Variants in MUC12 observed in about 807,000 individuals in gnomAD.
MUC12 encodes mucin-12.
In MUC12, 172 loss-of-function variants were observed where a neutral mutation model predicts 230.8. The ratio of observed to expected loss-of-function variants is 0.75; its 90% CI spans 0.66 to 0.85. MUC12 has a LOEUF of 0.85. MUC12 is among the 40% of genes least tolerant of loss of function. The pLI is 0.00. For synonymous variants in MUC12, 1,259 were observed against 2,401.9 expected, an observed-to-expected ratio of 0.52 and a Z score of 13.91; for missense variants, 3,506 against 5,920.6, an observed-to-expected ratio of 0.59 and a Z score of 13.38.
At chr7:101,017,276 AC>A (rs770525546) in intron 10 of MUC12, 41 of 323,702 alleles carry the variant, frequency 1.3e-4, no homozygotes, top group Non-Finnish European at 2.0e-4. Flanking sequence ...CTCCACTCTG[AC>A]CTCACCCCTG....
chr7:100,983,893 A>G (rs941564467), intron 1 of MUC12, among the ~76,000 whole-genome samples: 11 of 152,190 alleles, frequency 7.2e-5, no homozygotes, highest in African/African-American at 2.7e-4. Context: ...CCCATTTTTA[A>G]AAGAAGAAGG....
chr7:100,986,828 G>C (rs1470634787), intron 1 of MUC12, among the ~76,000 whole-genome samples: 2 of 152,138 alleles, frequency 1.3e-5, no homozygotes. Context: ...GTCCTCTCAA[G>C]GAAGTCCCTT....
intron 5 of MUC12, among the ~76,000 whole-genome samples, chr7:101,010,092 G>A (rs1224738706): frequency 6.6e-6 from 1 of 152,154 alleles, no homozygotes; most frequent in Non-Finnish European, 1.5e-5. Flanking sequence ...AGGTCTTTGG[G>A]AGGCAGGACC....
At chr7:100,981,376 A>G in intron 1 of MUC12, 1 of 646,630 alleles carries the variant, frequency 1.5e-6, no homozygotes, top group East Asian at 3.2e-5. Flanking sequence ...GCAGCGAGTG[A>G]AGAACCTGGG....
intron 1 of MUC12, among the ~76,000 whole-genome samples, chr7:100,988,280 G>A (rs569877720): frequency 1.9e-4 from 27 of 143,300 alleles, no homozygotes; most frequent in Non-Finnish European, 3.8e-4. Flanking sequence ...TGGGTGACAG[G>A]CTGTCCCAGA....
chr7:101,018,644 G>A lies in MUC12; in HGVS notation c.*8G>A, dbSNP rs1793999171. 6.5e-7 allele frequency: 1 copy of A among 1,535,262 alleles called. No homozygotes were observed. Among genetic ancestry groups the A allele is most frequent in the Non-Finnish European group, 8.7e-7 (1 of 1,145,918 alleles). ...GTAGCATCCACTGTGTGAGCCAACG[G>A]GGGCCTCCCACCCTCATCTAGCTCT... On this transcript the variant is annotated 3_prime_UTR_variant, in exon 12 of 12. Coordinates refer to ENST00000536621, the MANE Select transcript of MUC12 (RefSeq NM_001164462.2).
chr7:100,981,027 A>G (rs1176094215), intron 1 of MUC12, among the ~76,000 whole-genome samples: 3 of 152,198 alleles, frequency 2.0e-5, no homozygotes, highest in Admixed American at 1.3e-4. Flanking sequence ...GCCCCAACCA[A>G]CACTAGCTAC....
At position 101,004,616 on chromosome 7, in the gene MUC12, G is replaced by A. The variant is rs1042005995; in HGVS notation, c.14053G>A (p.Ala4685Thr). ...TTSGRSEEST[A>T]SHSSPDTNGI... The stretch of plus-strand genomic sequence containing the variant: ...CTCCGGCCGTAGTGAGGAATCAACA[G>A]CATCCCACAGCAGCCCAGATACAAA... Residue 4685 changes from alanine (A) to threonine (T), a missense_variant, in exon 2 of 12, where the codon GCA becomes ACA. Transcript: ENST00000536621. 16 of 1,535,624 alleles carry A rather than the reference G, an allele frequency of 1.0e-5. No individual in the cohort carries two copies. The African/African-American group carries it at 1.7e-4, about 16-fold the overall frequency.
intron 1 of MUC12, among the ~76,000 whole-genome samples, chr7:100,986,088 T>G (rs113267364): frequency 0.1 from 15,920 of 152,134 alleles, 1,086 homozygotes; most frequent in Non-Finnish European, 0.15. Context: ...GTGGCCGGTG[T>G]GTGCCTCAAG....
In MUC12 at chr7:100,991,566, A is replaced by G; in HGVS notation, c.1003A>G (p.Ser335Gly). Reference sequence around the variant, plus strand: ...TAGTGAGGAATCGACACCAGTCCACAGCAGCCCAGTTGCAACTGCAACAAC... The same window carrying G: ...TAGTGAGGAATCGACACCAGTCCACGGCAGCCCAGTTGCAACTGCAACAAC... ...GHSEESTPVH[S>G]SPVATATTPP... The change falls in exon 2 of 12, where the codon AGC becomes GGC. Residue 335 changes from serine (S) to glycine (G), a missense_variant. By Grantham distance (56) the Ser-to-Gly change is moderately conservative (BLOSUM62 0). Transcript: ENST00000536621. 1 of 1,537,396 alleles carries G rather than the reference A, an allele frequency of 6.5e-7. No homozygotes were observed. The highest frequency in any genetic ancestry group is 8.7e-7 in the Non-Finnish European group (1 of 1,146,664).
Position 100,969,614 on chromosome 7 carries a change from C to T in MUC12, c.-9C>T, listed in dbSNP as rs1208084168. The T allele has an allele frequency of 2.6e-6, 4 of 1,537,434 alleles. No homozygotes were observed. The African/African-American group carries it at 4.1e-5, about 16-fold the overall frequency. ...GAAGATGGGCAGCCAGGGGCCCGTT[C>T]CCCGGGAGATGCTGGTGATCTGGAT... On this transcript the variant is annotated 5_prime_UTR_variant, in exon 1 of 12. Transcript: ENST00000536621.
Position 100,991,131 on chromosome 7 carries a change from A to C in MUC12, c.568A>C (p.Ser190Arg). 11 of 1,537,850 alleles carry C rather than the reference A, an allele frequency of 7.2e-6. No individual in the cohort carries two copies. The highest frequency in any genetic ancestry group is 9.6e-6 in the Non-Finnish European group (11 of 1,147,044). ...FPDSTTMPGV[S>R]QESTASHSIP... Reference sequence around the variant, plus strand: ...TGACAGTACCACCATGCCAGGCGTCAGTCAGGAATCTACAGCTTCCCACAG... The same window carrying C: ...TGACAGTACCACCATGCCAGGCGTCCGTCAGGAATCTACAGCTTCCCACAG... Residue 190 changes from serine to arginine, a missense_variant, in exon 2 of 12, where the codon AGT becomes CGT. Coordinates refer to ENST00000536621, the MANE Select transcript of MUC12 (RefSeq NM_001164462.2).
intron 5 of MUC12, among the ~76,000 whole-genome samples, chr7:101,011,096 G>A (rs1200275386): frequency 2.6e-5 from 4 of 152,170 alleles, no homozygotes; most frequent in Non-Finnish European, 5.9e-5. Flanking sequence ...AAGCTGGAAA[G>A]CACCAACATT....
intron 6 of MUC12, 118 bp from the exon 7 acceptor site, chr7:101,012,701 A>C: frequency 8.5e-7 from 1 of 1,181,684 alleles, no homozygotes; most frequent in Non-Finnish European, 1.2e-6. Flanking sequence ...GTGGGCAAAG[A>C]CTCCCACGGG....
In MUC12 at chr7:100,995,839, G is replaced by C; in HGVS notation, c.5276G>C (p.Arg1759Pro). 6.9e-7 allele frequency: 1 copy of C among 1,457,604 alleles called. No individual in the cohort carries two copies. The highest frequency in any genetic ancestry group is 2.5e-5 in the East Asian group (1 of 39,858). 90.3% of individuals were successfully genotyped at this position (1,457,604 alleles called of 1,614,324 possible). A position where few individuals can be genotyped will look rare whatever the true frequency, so the allele number is the denominator to read the frequency against. ...ACTGCAACAACACCCTCGCCTGCCC[G>C]CTCCACAACCTCAGGCCTCGTTGAA... is the stretch of plus-strand genomic sequence containing the variant. ...VATATTPSPA[R>P]STTSGLVEES... is the part of the protein sequence containing the mutation. Residue 1759 changes from arginine (R) to proline (P), a missense_variant, in exon 2 of 12, where the codon CGC becomes CCC. Arg to Pro is a moderately radical substitution (Grantham distance 103). Transcript: ENST00000536621.
At position 100,995,923 on chromosome 7, in the gene MUC12, G is replaced by T. The variant is rs1277109797; in HGVS notation, c.5360G>T (p.Ser1787Ile). The T allele has an allele frequency of 2.4e-6, 3 of 1,259,832 alleles. No individual in the cohort carries two copies. Among genetic ancestry groups the T allele is most frequent in the South Asian group, 1.4e-5 (1 of 72,686 alleles). The allele number at this position is 1,259,832 out of a possible 1,614,324, so 78.0% of individuals were successfully genotyped here. ...GSTQTMHFPE[S>I]STASGRSEES... ...ACTCAAACAATGCACTTCCCTGAAA[G>T]CTCCACAGCTTCAGGTCGTAGTGAA... The change falls in exon 2 of 12, where the codon AGC becomes ATC. Residue 1787 changes from serine to isoleucine, a missense_variant. Ser to Ile is a moderately radical substitution (Grantham distance 142). Coordinates refer to ENST00000536621, the MANE Select transcript of MUC12 (RefSeq NM_001164462.2).
rs556543189 is a variant in MUC12 at position 100,991,164 on chromosome 7, G to A, written c.601G>A (p.Gly201Ser). 1.8e-5 allele frequency: 27 copies of A among 1,537,484 alleles called. No individual in the cohort carries two copies. Among genetic ancestry groups the A allele is most frequent in the African/African-American group, 5.5e-5 (4 of 73,064 alleles). ...QESTASHSIP[G>S]STDTTLSPGT... ...ATCTACAGCTTCCCACAGCATCCCC[G>A]GCTCCACAGACACAACACTGTCCCC... Residue 201 changes from glycine to serine, a missense_variant, in exon 2 of 12, where the codon GGC (glycine) becomes AGC (serine). Transcript: ENST00000536621.
At chr7:100,977,389 C>T (rs921253489) in intron 1 of MUC12, among the ~76,000 whole-genome samples, 10 of 146,740 alleles carry the variant, frequency 6.8e-5, no homozygotes, top group African/African-American at 1.0e-4. Flanking sequence ...TTTTTTGAGA[C>T]GGAGTGTCTT....
chr7:101,004,804 A>G lies in MUC12; in HGVS notation c.14241A>G (p.Ser4747=). 6.5e-7 allele frequency: 1 copy of G among 1,537,664 alleles called. No individual in the cohort carries two copies. Among genetic ancestry groups the G allele is most frequent in the South Asian group, 1.2e-5 (1 of 84,054 alleles). ...CCATCCTTTACAGTAGCTCCAGATCACCAGACCAAACACTCTCACCTGCCA... is the reference window on the plus strand; with the variant it reads ...CCATCCTTTACAGTAGCTCCAGATCGCCAGACCAAACACTCTCACCTGCCA... The part of the protein sequence containing the change: ...KSTILYSSSR[S]PDQTLSPASM... The change falls in exon 2 of 12, where the codon TCA becomes TCG. Residue 4747 remains serine, a synonymous_variant. Coordinates refer to ENST00000536621, the MANE Select transcript of MUC12 (RefSeq NM_001164462.2).
Sources: gnomAD v4.1 joint callset for allele counts (sites outside exome capture counted in the v4.1 genomes callset) on GRCh38, gnomAD v4.1.1 for gene constraint, MANE v1.5 for transcripts, NCBI Gene and HGNC (gene_info 2026-07-23, HGNC 2026-07-21) for gene names.